Variants in TCF7L2 observed in about 807,000 individuals in gnomAD.
The protein encoded by TCF7L2 is transcription factor 7-like 2.
TCF7L2 carries 23 observed loss-of-function variants against 77.9 expected under a neutral mutation model. The observed-to-expected ratio is 0.30, with a 90% CI of 0.21 to 0.42. The LOEUF (loss-of-function observed/expected upper bound fraction) is 0.42. TCF7L2 is among the 10% of genes least tolerant of loss of function. The pLI, the probability that TCF7L2 is intolerant of heterozygous loss-of-function variation, is 1.00. For missense variants in TCF7L2, 654 were observed against 793.1 expected, an observed-to-expected ratio of 0.82 and a Z score of 2.11; for synonymous variants, 413 against 340.2, an observed-to-expected ratio of 1.21 and a Z score of -2.36.
At chr10:113,111,630 GA>G (rs2063139517) in intron 5 of TCF7L2, among the ~76,000 whole-genome samples, 1 of 151,902 alleles carries the variant, frequency 6.6e-6, no homozygotes. Flanking sequence ...CATTTCTACA[GA>G]AAATGCAAAA....
Position 112,951,143 on chromosome 10 carries a change from C to T in TCF7L2, c.190-64C>T. 2.1e-6 allele frequency: 3 copies of T among 1,418,262 alleles called. No individual in the cohort carries two copies. In the South Asian group the frequency reaches 3.9e-5, roughly 18 times the overall value. The allele number at this position is 1,418,262 out of a possible 1,614,324, so 87.9% of individuals were successfully genotyped here. On this transcript the variant is annotated intron_variant, in intron 1 of 13. Coordinates refer to ENST00000627217, the MANE Select transcript of TCF7L2 (RefSeq NM_001146274.2). Reference sequence around the variant, plus strand: ...CTCGACCTCGCCGATTCTTTTTCTCCCCCTTCTCCCCCTTCTGCGTGGCGT... The same window carrying T: ...CTCGACCTCGCCGATTCTTTTTCTCTCCCTTCTCCCCCTTCTGCGTGGCGT...
intron 4 of TCF7L2, among the ~76,000 whole-genome samples, chr10:112,996,081 G>T (rs551782495): frequency 6.6e-6 from 1 of 152,268 alleles, no homozygotes; most frequent in South Asian, 2.1e-4. Context: ...TTGATCCTAT[G>T]CGGTGGGCAT....
chr10:113,139,223 T>G (rs552875390), intron 5 of TCF7L2, among the ~76,000 whole-genome samples: 1 of 152,372 alleles, frequency 6.6e-6, no homozygotes, highest in East Asian at 1.9e-4. Context: ...TCATTTGCCC[T>G]GCCTCCTAAC....
chr10:113,094,935 A>G (rs1288112174), intron 5 of TCF7L2, among the ~76,000 whole-genome samples: 1 of 152,186 alleles, frequency 6.6e-6, no homozygotes, highest in Non-Finnish European at 1.5e-5. Flanking sequence ...CCTGGCCAAC[A>G]TGGCAAAACA....
chr10:112,987,499 G>A (rs965058336), intron 4 of TCF7L2: 1 of 151,008 alleles, frequency 6.6e-6, no homozygotes, highest in Non-Finnish European at 1.5e-5. Flanking sequence ...TGAATGTCCT[G>A]GCGGATGCTC....
rs61390535 is a variant in TCF7L2 at position 113,048,424 on chromosome 10, A to G, written c.552+8298A>G. On this transcript the variant is annotated intron_variant, in intron 5 of 13. Transcript: ENST00000627217. ...ACATGTGGCTCTCTCTCCTCCCACA[A>G]TGGTGCTTCGTTAATTAAGCAGAAA... is the stretch of plus-strand genomic sequence containing the variant. Among the ~76,000 whole-genome samples, 744 of 152,132 alleles carry G rather than the reference A, an allele frequency of 4.9e-3. 4 individuals carry two copies. Among genetic ancestry groups the G allele is most frequent in the African/African-American group, 0.017 (696 of 41,480 alleles).
At chr10:113,132,929 T>G (rs1227966453) in intron 5 of TCF7L2, 1 of 152,096 alleles carries the variant, frequency 6.6e-6, no homozygotes, top group African/African-American at 2.4e-5. Flanking sequence ...TTGAGAATTT[T>G]GTGACGCTGC....
In TCF7L2 at chr10:113,080,366, C is replaced by T. The variant is rs1480596759; in HGVS notation, c.552+40240C>T. Among the ~76,000 whole-genome samples the T allele has an allele frequency of 2.6e-5, 4 of 151,850 alleles. No homozygotes were observed. The East Asian group carries it at 7.8e-4, about 30-fold the overall frequency. On this transcript the variant is annotated intron_variant, in intron 5 of 13. Coordinates refer to ENST00000627217, the MANE Select transcript of TCF7L2 (RefSeq NM_001146274.2). ...GCCAAGCAGAAGGCATTGTGGATGC[C>T]CTGGGTATATACTCTCTGACACAGA... is the stretch of plus-strand genomic sequence containing the variant.
intron 4 of TCF7L2, among the ~76,000 whole-genome samples, chr10:113,010,554 A>G (rs983071153): frequency 1.3e-5 from 2 of 152,210 alleles, no homozygotes; most frequent in Admixed American, 6.5e-5. Flanking sequence ...GGAGATAGAC[A>G]GTATCATCTC....
chr10:113,099,030 G>A (rs115920945), intron 5 of TCF7L2, among the ~76,000 whole-genome samples: 144 of 152,336 alleles, frequency 9.5e-4, no homozygotes, highest in African/African-American at 3.3e-3. Flanking sequence ...TGAAAGAGAT[G>A]TAACTGCAGT....
chr10:112,953,028 C>T (rs1046138069), intron 3 of TCF7L2, among the ~76,000 whole-genome samples: 2 of 152,160 alleles, frequency 1.3e-5, no homozygotes, highest in Non-Finnish European at 2.9e-5. Flanking sequence ...TTTTCGGTAA[C>T]TCTAGATAGC....
At chr10:112,960,736 G>T (rs1053754761) in intron 3 of TCF7L2, among the ~76,000 whole-genome samples, 1 of 151,010 alleles carries the variant, frequency 6.6e-6, no homozygotes, top group Non-Finnish European at 1.5e-5. Context: ...TTTCCAGGCC[G>T]GAGTGCAGTG....
At chr10:113,058,108 G>T (rs1196526614) in intron 5 of TCF7L2, among the ~76,000 whole-genome samples, 2 of 152,208 alleles carry the variant, frequency 1.3e-5, no homozygotes, top group Non-Finnish European at 2.9e-5. Context: ...AAAGGGGGAA[G>T]AAGGTGGTGG....
rs1371329072 is a variant in TCF7L2 at position 113,165,987 on chromosome 10, A to AC, written c.*19dup. The AC allele has an allele frequency of 1.4e-6, 2 of 1,472,428 alleles. No individual in the cohort carries two copies. The highest frequency in any genetic ancestry group is 1.8e-6 in the Non-Finnish European group (2 of 1,108,698). 91.2% of individuals were successfully genotyped at this position (1,472,428 alleles called of 1,614,324 possible). A position where few individuals can be genotyped will look rare whatever the true frequency, so the allele number is the denominator to read the frequency against. The stretch of plus-strand genomic sequence containing the variant: ...CTTTAGAATAGCTTTAGCGTCGTGA[A>AC]CCCCGCTGCTTTGTTTATGGTTTTG... On this transcript the variant is annotated 3_prime_UTR_variant, in exon 14 of 14. Transcript: ENST00000627217.
intron 5 of TCF7L2, among the ~76,000 whole-genome samples, chr10:113,061,793 G>A (rs1321363244): frequency 6.6e-6 from 1 of 152,188 alleles, no homozygotes; most frequent in African/African-American, 2.4e-5. Context: ...TTTGTTCGCT[G>A]GCGAACGCAC....
chr10:112,967,441 A>G (rs556087570), intron 4 of TCF7L2, among the ~76,000 whole-genome samples: 1 of 152,178 alleles, frequency 6.6e-6, no homozygotes, highest in South Asian at 2.1e-4. Context: ...GTTTATATGA[A>G]TGGCCTTGGG....
At chr10:113,148,728 G>A (rs1321502355) in intron 8 of TCF7L2, among the ~76,000 whole-genome samples, 4 of 152,222 alleles carry the variant, frequency 2.6e-5, no homozygotes, top group Non-Finnish European at 4.4e-5. Flanking sequence ...TCATGAAATA[G>A]TAGTCTGCAG....
intron 3 of TCF7L2, among the ~76,000 whole-genome samples, chr10:112,952,843 T>A (rs922547372): frequency 1.8e-5 from 1 of 54,584 alleles, no homozygotes; most frequent in African/African-American, 7.8e-5. Context: ...CTGTGCCCCC[T>A]GCCCTCACCC....
chr10:113,162,427 C>G (rs1243607280), intron 13 of TCF7L2, among the ~76,000 whole-genome samples: 1 of 152,042 alleles, frequency 6.6e-6, no homozygotes, highest in African/African-American at 2.4e-5. Flanking sequence ...CATGCATCCC[C>G]CATTTGGGCA....
Sources: gnomAD v4.1 joint callset for allele counts (sites outside exome capture counted in the v4.1 genomes callset) on GRCh38, gnomAD v4.1.1 for gene constraint, MANE v1.5 for transcripts, NCBI Gene and HGNC (gene_info 2026-07-23, HGNC 2026-07-21) for gene names.